The following KLRD1 variants were observed in gnomAD, a reference collection of about 807,000 sequenced individuals.
The protein encoded by KLRD1 is natural killer cells antigen CD94.
Under a neutral mutation model 22.6 loss-of-function variants are expected in KLRD1, and 21 were observed. That is an observed-to-expected ratio of 0.93 (90% confidence interval 0.66 to 1.34). The LOEUF is 1.34. KLRD1 is among the 40% of genes most tolerant of loss of function. KLRD1 has a pLI of 0.00. For synonymous variants in KLRD1, 59 were observed against 71.1 expected, an observed-to-expected ratio of 0.83 and a Z score of 0.85; for missense variants, 183 against 208.6, an observed-to-expected ratio of 0.88 and a Z score of 0.76.
intron 1 of KLRD1, among the ~76,000 whole-genome samples, chr12:10,286,676 T>TTC (rs1329270946): frequency 1.4e-5 from 2 of 142,406 alleles, no homozygotes; most frequent in East Asian, 4.1e-4. Flanking sequence ...TTTTTTTTTT[T>TTC]TTTTTTTTTT....
chr12:10,300,869 T>G (rs561588327), upstream of KLRD1, among the ~76,000 whole-genome samples: 243 of 152,372 alleles, frequency 1.6e-3, no homozygotes, highest in African/African-American at 5.6e-3. Context: ...CTTGCACTTG[T>G]ATGTTATGGA....
intron 1 of KLRD1, among the ~76,000 whole-genome samples, chr12:10,257,139 C>CTT (rs55950006): frequency 0.015 from 1,909 of 130,046 alleles, 47 homozygotes; most frequent in African/African-American, 0.054. Flanking sequence ...CTTTTCTTTT[C>CTT]TTTTTTTTTT....
chr12:10,259,456 T>A (rs57053629), intron 1 of KLRD1, among the ~76,000 whole-genome samples: 1,701 of 152,340 alleles, frequency 0.011, 32 homozygotes, highest in African/African-American at 0.039. Context: ...TTAGAGCTTT[T>A]TAGTTCTATT....
chr12:10,322,481 A>C lies in KLRD1; in HGVS notation c.*7688A>C, dbSNP rs939165540. 1.3e-5 allele frequency: 2 copies of C among 152,106 alleles called. No homozygotes were observed. The highest frequency in any genetic ancestry group is 4.8e-5 in the African/African-American group (2 of 41,420). 9.4% of individuals were successfully genotyped at this position (152,106 alleles called of 1,614,324 possible). On this transcript the variant is annotated 3_prime_UTR_variant, in exon 6 of 6. Coordinates refer to ENST00000336164, the MANE Select transcript of KLRD1 (RefSeq NM_002262.5). ...AAATTTTTTGTTTTTTGGTTTTTTT[A>C]GTTCTCAATTATGTTGTATAACCCA...
intron 1 of KLRD1, among the ~76,000 whole-genome samples, chr12:10,246,370 A>G (rs1489707698): frequency 7.0e-6 from 1 of 143,476 alleles, no homozygotes; most frequent in Non-Finnish European, 1.5e-5. Context: ...AACTCAGTCC[A>G]GTGGAAATAC....
intron 1 of KLRD1, among the ~76,000 whole-genome samples, chr12:10,239,716 A>ACT (rs1349165214): frequency 6.6e-6 from 1 of 150,540 alleles, no homozygotes; most frequent in East Asian, 2.0e-4. Context: ...ATCTCAGTTC[A>ACT]CTGTAACCTC....
chr12:10,292,516 C>T (rs1949779514), intron 1 of KLRD1, among the ~76,000 whole-genome samples: 1 of 152,144 alleles, frequency 6.6e-6, no homozygotes, highest in Non-Finnish European at 1.5e-5. Flanking sequence ...CAGGCTCATT[C>T]TCAATGAGCC....
At chr12:10,255,335 C>T (rs979390545) in intron 1 of KLRD1, among the ~76,000 whole-genome samples, 1 of 152,228 alleles carries the variant, frequency 6.6e-6, no homozygotes, top group Non-Finnish European at 1.5e-5. Flanking sequence ...CTATTTTCCA[C>T]TCTATTTTAT....
At chr12:10,257,775 C>G (rs1949413648) in intron 1 of KLRD1, among the ~76,000 whole-genome samples, 1 of 151,864 alleles carries the variant, frequency 6.6e-6, no homozygotes, top group African/African-American at 2.4e-5. Context: ...GTTGTGTTTT[C>G]CTGTTTCTTC....
upstream of KLRD1, among the ~76,000 whole-genome samples, chr12:10,306,722 C>T (rs1013572492): frequency 2.0e-5 from 3 of 152,114 alleles, no homozygotes; most frequent in South Asian, 2.1e-4. Context: ...GTAGATTTTA[C>T]GCTTATATTC....
At chr12:10,250,208 T>A (rs1949332812) in intron 1 of KLRD1, among the ~76,000 whole-genome samples, 1 of 9,130 alleles carries the variant, frequency 1.1e-4, no homozygotes, top group East Asian at 0.12. Context: ...TTGCTTTTTT[T>A]TTTTTTTTTT....
At position 10,246,928 on chromosome 12, in the gene KLRD1, C is replaced by CTTTTTTTTTTTTTTTTT. The variant is rs1208226436; in HGVS notation, c.-101+20699_-101+20700insTTTTTTTTTTTTTTTTT. 3.9e-5 allele frequency among the ~76,000 whole-genome samples: 5 copies of CTTTTTTTTTTTTTTTTT among 129,688 alleles called. 1 individual carries two copies. The highest frequency in any genetic ancestry group is 1.6e-4 in the Admixed American group (2 of 12,822). 85.1% of individuals were successfully genotyped at this position (129,688 alleles called of 152,430 possible). ...TTCTTTTTTCTTTTTCTTTTCTTTT[C>CTTTTTTTTTTTTTTTTT]TTTTCTTTTTTTTTTTTTTTTTGAG... On this transcript the variant is annotated intron_variant, in intron 1 of 5. Transcript: ENST00000544747.
At chr12:10,261,402 A>C (rs749462443) in intron 1 of KLRD1, among the ~76,000 whole-genome samples, 6 of 152,224 alleles carry the variant, frequency 3.9e-5, no homozygotes, top group Non-Finnish European at 7.3e-5. Context: ...AAAGACATCT[A>C]TATTCTTTAG....
intron 1 of KLRD1, among the ~76,000 whole-genome samples, chr12:10,249,929 G>A (rs574690310): frequency 1.1e-4 from 16 of 152,218 alleles, no homozygotes; most frequent in Non-Finnish European, 2.2e-4. Flanking sequence ...GTTCGCAGGA[G>A]CTGCCATCAC....
In KLRD1 at chr12:10,313,472, C is replaced by T. The variant is rs750370781; in HGVS notation, c.378C>T (p.Thr126=). ...WIGLSYSEEH[T]AWLWENGSAL... ...GACTCTCTTACAGTGAGGAGCACAC[C>T]GCCTGGTTGTGGGAGAATGGCTCTG... Residue 126 remains threonine, a synonymous_variant, in exon 5 of 6, where the codon ACC becomes ACT. Coordinates refer to ENST00000336164, the MANE Select transcript of KLRD1 (RefSeq NM_002262.5). 22 of 1,607,524 alleles carry T rather than the reference C, an allele frequency of 1.4e-5. No homozygotes were observed. The highest frequency in any genetic ancestry group is 3.4e-5 in the Admixed American group (2 of 59,180).
intron 1 of KLRD1, among the ~76,000 whole-genome samples, chr12:10,248,290 CTAAA>C (rs375390584): frequency 0.012 from 1,818 of 152,046 alleles, 28 homozygotes; most frequent in South Asian, 0.044. Context: ...TCAAAAAACT[CTAAA>C]TAATGAGCAT....
chr12:10,291,647 T>G (rs1481790147), intron 1 of KLRD1, among the ~76,000 whole-genome samples: 3 of 149,648 alleles, frequency 2.0e-5, no homozygotes, highest in Admixed American at 6.7e-5. Context: ...TATACTATTT[T>G]AAGTTCCAGG....
intron 4 of KLRD1, among the ~76,000 whole-genome samples, chr12:10,312,034 C>G (rs760921530): frequency 1.1e-4 from 17 of 149,312 alleles, no homozygotes; most frequent in Non-Finnish European, 7.4e-5. Context: ...AGAAAACGTA[C>G]CCAATTCTTT....
At position 10,313,499 on chromosome 12, in the gene KLRD1, A is replaced by G. The variant is rs755106932; in HGVS notation, c.405A>G (p.Ala135=). The G allele has an allele frequency of 6.3e-7, 1 of 1,588,696 alleles. No individual in the cohort carries two copies. Among genetic ancestry groups the G allele is most frequent in the Non-Finnish European group, 8.6e-7 (1 of 1,164,784 alleles). Residue 135 remains alanine, a synonymous_variant, in exon 5 of 6, where the codon GCA becomes GCG. Coordinates refer to ENST00000336164, the MANE Select transcript of KLRD1 (RefSeq NM_002262.5). ...CCTGGTTGTGGGAGAATGGCTCTGCACTCTCCCAGTATCTGTAAGTTTCTG... is the reference window on the plus strand; with the variant it reads ...CCTGGTTGTGGGAGAATGGCTCTGCGCTCTCCCAGTATCTGTAAGTTTCTG... ...HTAWLWENGS[A]LSQYLFPSFE...
Sources: allele counts gnomAD v4.1 joint callset (sites outside exome capture counted in the v4.1 genomes callset), GRCh38; gene constraint gnomAD v4.1.1; transcripts MANE v1.5; gene names NCBI Gene and HGNC (gene_info 2026-07-23, HGNC 2026-07-21).